CCDC91: variants seen among roughly 807,000 people sequenced by gnomAD.
CCDC91 encodes coiled-coil domain-containing protein 91.
Under a neutral mutation model 63.2 loss-of-function variants are expected in CCDC91, and 48 were observed. That is an observed-to-expected ratio of 0.76 (90% CI 0.60 to 0.97). The LOEUF (loss-of-function observed/expected upper bound fraction) is 0.97, where lower values mean the gene tolerates loss of function less well. Among genes scored for constraint, CCDC91 ranks in the 50% least tolerant of loss-of-function variants. The pLI is 0.00. For missense variants in CCDC91, 500 were observed against 494.6 expected (o/e 1.01, Z -0.10); for synonymous variants, 167 against 165.8 (o/e 1.01, Z -0.06).
chr12:28,463,148 AT>A (rs968437222), intron 11 of CCDC91, among the ~76,000 whole-genome samples: 2 of 152,218 alleles, frequency 1.3e-5, no homozygotes, highest in African/African-American at 4.8e-5. Context: ...AATATGTCAA[AT>A]TTATAAATTG....
intron 8 of CCDC91, among the ~76,000 whole-genome samples, chr12:28,400,394 C>G (rs867141081): frequency 6.7e-6 from 1 of 150,098 alleles, no homozygotes; most frequent in African/African-American, 2.5e-5. Flanking sequence ...ATTTTTCCCC[C>G]CTAGGCCTCC....
At chr12:28,457,714 A>G (rs1950116476) in intron 11 of CCDC91, among the ~76,000 whole-genome samples, 1 of 151,908 alleles carries the variant, frequency 6.6e-6, no homozygotes, top group African/African-American at 2.4e-5. Flanking sequence ...TCGTAAGTTA[A>G]GACTAAGTCT....
intron 8 of CCDC91, among the ~76,000 whole-genome samples, chr12:28,403,603 C>A (rs190523576): frequency 1.6e-4 from 24 of 152,070 alleles, no homozygotes; most frequent in Admixed American, 1.3e-4. Context: ...AAATGCCCCC[C>A]CTCCTAATAC....
intron 3 of CCDC91, among the ~76,000 whole-genome samples, chr12:28,294,809 TC>T: frequency 6.6e-6 from 1 of 152,264 alleles, no homozygotes; most frequent in East Asian, 1.9e-4. Context: ...GGTTTGGAAC[TC>T]CCGACCTCAG....
At chr12:28,337,593 A>G (rs1325659113) in intron 6 of CCDC91, among the ~76,000 whole-genome samples, 1 of 151,962 alleles carries the variant, frequency 6.6e-6, no homozygotes, top group African/African-American at 2.4e-5. Flanking sequence ...ATGGAAATAC[A>G]TACTTTAAAT....
At chr12:28,226,362 A>T (rs1167960894) in intron 1 of CCDC91, among the ~76,000 whole-genome samples, 1 of 152,186 alleles carries the variant, frequency 6.6e-6, no homozygotes, top group Non-Finnish European at 1.5e-5. Context: ...GACGTCTTAA[A>T]TTCTGTGGAT....
chr12:28,207,339 G>C (rs191922366), intron 1 of CCDC91, among the ~76,000 whole-genome samples: 3 of 152,248 alleles, frequency 2.0e-5, no homozygotes, highest in African/African-American at 7.2e-5. Flanking sequence ...TCAGTTGTGA[G>C]ATTATGAACC....
chr12:28,329,996 T>G (rs1340546198), intron 6 of CCDC91, among the ~76,000 whole-genome samples: 7 of 152,354 alleles, frequency 4.6e-5, no homozygotes, highest in African/African-American at 1.7e-4. Flanking sequence ...GTGCCACATT[T>G]TCTTAATCCA....
chr12:28,389,830 T>C (rs941638131), intron 7 of CCDC91, among the ~76,000 whole-genome samples: 3 of 152,102 alleles, frequency 2.0e-5, no homozygotes, highest in Non-Finnish European at 2.9e-5. Context: ...TTTTTATAAC[T>C]ATATTATTTT....
At chr12:28,354,864 T>C (rs571876737) in intron 6 of CCDC91, among the ~76,000 whole-genome samples, 55 of 152,296 alleles carry the variant, frequency 3.6e-4, no homozygotes, top group Admixed American at 1.6e-3. Flanking sequence ...TACAGGCCTT[T>C]TCTTTAACAT....
chr12:28,252,470 C>A (rs1424318792), intron 1 of CCDC91, among the ~76,000 whole-genome samples: 15 of 151,578 alleles, frequency 9.9e-5, no homozygotes, highest in Non-Finnish European at 2.9e-5. Context: ...ATTTTTTTCT[C>A]TTATACTTTT....
intron 12 of CCDC91, among the ~76,000 whole-genome samples, chr12:28,496,837 G>A (rs1344641715): frequency 4.0e-5 from 6 of 149,440 alleles, no homozygotes; most frequent in African/African-American, 1.5e-4. Flanking sequence ...TGGGTTCTAT[G>A]TAGTTGTACT....
chr12:28,406,642 A>G lies in CCDC91; in HGVS notation c.762+15231A>G, dbSNP rs145543653. On this transcript the variant is annotated intron_variant, in intron 8 of 12. Coordinates refer to ENST00000536442, the MANE Select transcript of CCDC91 (RefSeq NM_018318.5). ...AGGTTATATGAAATCCAACTCATCA[A>G]TTTTTCTTCTGTGGTTATAATTTGG... 5.3e-4 allele frequency among the ~76,000 whole-genome samples: 81 copies of G among 152,128 alleles called. No individual in the cohort carries two copies. The East Asian group carries it at 0.012, about 22-fold the overall frequency.
intron 1 of CCDC91, among the ~76,000 whole-genome samples, chr12:28,221,997 G>A (rs1474632146): frequency 6.6e-6 from 1 of 152,126 alleles, no homozygotes; most frequent in Non-Finnish European, 1.5e-5. Context: ...ACTCCAGTTT[G>A]TAAGTTTGGG....
intron 3 of CCDC91, among the ~76,000 whole-genome samples, chr12:28,271,125 A>G (rs1304253653): frequency 6.6e-6 from 1 of 152,148 alleles, no homozygotes. Flanking sequence ...AGATACAGGC[A>G]GTGTTTGAGT....
intron 7 of CCDC91, among the ~76,000 whole-genome samples, chr12:28,376,396 C>T (rs1398161548): frequency 2.0e-5 from 3 of 151,586 alleles, no homozygotes; most frequent in African/African-American, 7.3e-5. Flanking sequence ...GTATGATGGA[C>T]TGCTGTTTTT....
chr12:28,191,311 A>G (rs1941221354), intron 1 of CCDC91: 1 of 152,264 alleles, frequency 6.6e-6, no homozygotes, highest in African/African-American at 2.4e-5. Context: ...GAACTCTATT[A>G]AAAGCTGCGC....
intron 3 of CCDC91, among the ~76,000 whole-genome samples, chr12:28,276,601 C>T (rs1193531717): frequency 6.6e-6 from 1 of 151,860 alleles, no homozygotes; most frequent in Non-Finnish European, 1.5e-5. Flanking sequence ...TTGCCTTATT[C>T]AGATTGCTGA....
At position 28,385,961 on chromosome 12, in the gene CCDC91, T is replaced by C. The variant is rs562462043; in HGVS notation, c.655-5343T>C. Among the ~76,000 whole-genome samples the C allele has an allele frequency of 2.6e-5, 4 of 152,348 alleles. No individual in the cohort carries two copies. The East Asian group carries it at 7.7e-4, about 29-fold the overall frequency. ...GGGTGGTGTGGCATGATTTTTGACTTAATACCTTTGTTTTCTATGAGTTTA... is the reference window on the plus strand; with the variant it reads ...GGGTGGTGTGGCATGATTTTTGACTCAATACCTTTGTTTTCTATGAGTTTA... On this transcript the variant is annotated intron_variant, in intron 7 of 12. Transcript: ENST00000536442.
Sources: allele counts gnomAD v4.1 joint callset (sites outside exome capture counted in the v4.1 genomes callset), GRCh38; gene constraint gnomAD v4.1.1; transcripts MANE v1.5; gene names NCBI Gene and HGNC (gene_info 2026-07-23, HGNC 2026-07-21).